The following MAP3K19 variants were observed in gnomAD, a reference collection of about 807,000 sequenced individuals.
The protein encoded by MAP3K19 is SPS1/STE20-related protein kinase YSK4.
A neutral mutation model predicts 114.4 loss-of-function variants in MAP3K19; 91 were observed. The ratio of observed to expected loss-of-function variants is 0.80; its 90% CI spans 0.67 to 0.95. The LOEUF is 0.95. MAP3K19 is among the 40% of genes least tolerant of loss of function. The pLI, the probability that MAP3K19 is intolerant of heterozygous loss-of-function variation, is 0.00. For missense variants in MAP3K19, 1,471 were observed against 1,573.2 expected (o/e 0.94, Z 1.10); for synonymous variants, 518 against 530.5 (o/e 0.98, Z 0.32).
At chr2:134,974,833 T>A (rs1204708427) in intron 12 of MAP3K19, among the ~76,000 whole-genome samples, 1 of 152,218 alleles carries the variant, frequency 6.6e-6, no homozygotes, top group Non-Finnish European at 1.5e-5. Context: ...TCTTTTAAAT[T>A]TTTGGATTGG....
intron 6 of MAP3K19, among the ~76,000 whole-genome samples, chr2:135,003,196 C>T (rs1379506954): frequency 6.6e-6 from 1 of 152,134 alleles, no homozygotes; most frequent in African/African-American, 2.4e-5. Context: ...TTGGACTTCC[C>T]ATTCTTAAGA....
At chr2:134,969,487 C>T (rs982170838) in intron 12 of MAP3K19, among the ~76,000 whole-genome samples, 1 of 151,950 alleles carries the variant, frequency 6.6e-6, no homozygotes, top group Non-Finnish European at 1.5e-5. Flanking sequence ...ATTTGCATTT[C>T]CTTGTTGATT....
intron 3 of MAP3K19, among the ~76,000 whole-genome samples, chr2:135,029,726 C>A (rs1688337866): frequency 6.6e-6 from 1 of 152,178 alleles, no homozygotes; most frequent in African/African-American, 2.4e-5. Flanking sequence ...CAAGAGTAGG[C>A]AATTGCCAGT....
At chr2:135,035,920 C>A (rs536206310) in intron 2 of MAP3K19, among the ~76,000 whole-genome samples, 1 of 152,126 alleles carries the variant, frequency 6.6e-6, no homozygotes, top group Admixed American at 6.5e-5. Context: ...CTGCAACCTC[C>A]GCCTCCAGGG....
intron 12 of MAP3K19, among the ~76,000 whole-genome samples, chr2:134,971,940 T>A: frequency 6.6e-6 from 1 of 152,034 alleles, no homozygotes; most frequent in South Asian, 2.1e-4. Flanking sequence ...TTCTATTGAT[T>A]TTTATATTTT....
intron 8 of MAP3K19, among the ~76,000 whole-genome samples, chr2:134,992,623 G>C (rs1047378027): frequency 6.6e-6 from 1 of 152,064 alleles, no homozygotes; most frequent in African/African-American, 2.4e-5. Context: ...ATCCAACCCA[G>C]ATAGATAGTC....
intron 1 of MAP3K19, among the ~76,000 whole-genome samples, chr2:135,043,551 C>G (rs1688685954): frequency 1.3e-5 from 2 of 152,322 alleles, no homozygotes; most frequent in African/African-American, 4.8e-5. Flanking sequence ...GCCTCGCCAT[C>G]AACAGCCTGC....
At chr2:134,967,382 C>T (rs927033225) in intron 12 of MAP3K19, among the ~76,000 whole-genome samples, 1 of 152,206 alleles carries the variant, frequency 6.6e-6, no homozygotes. Flanking sequence ...AGAGGAAATC[C>T]TCTTGCAGTT....
chr2:134,973,947 G>A (rs1475346834), intron 12 of MAP3K19, among the ~76,000 whole-genome samples: 1 of 152,090 alleles, frequency 6.6e-6, no homozygotes. Flanking sequence ...GCTGAGTATA[G>A]CATTCTTGGC....
At chr2:134,985,476 AAAT>A (rs1685026578) in intron 10 of MAP3K19, among the ~76,000 whole-genome samples, 1 of 152,238 alleles carries the variant, frequency 6.6e-6, no homozygotes, top group South Asian at 2.1e-4. Context: ...TGATAGTTGG[AAAT>A]GATATGCTGT....
chr2:135,024,846 C>T (rs915629895), intron 3 of MAP3K19, 105 bp from the exon 4 acceptor site: 4 of 533,348 alleles, frequency 7.5e-6, no homozygotes, highest in Non-Finnish European at 1.3e-5. Flanking sequence ...AAAAAGTAAT[C>T]TTATGTAGTT....
intron 8 of MAP3K19, among the ~76,000 whole-genome samples, chr2:134,995,900 T>C (rs572921254): frequency 1.3e-5 from 2 of 152,212 alleles, no homozygotes; most frequent in East Asian, 3.9e-4. Flanking sequence ...CTAAACATGA[T>C]ATTTAGCAAT....
At chr2:135,037,002 T>C (rs1464599782) in intron 2 of MAP3K19, among the ~76,000 whole-genome samples, 5 of 84,964 alleles carry the variant, frequency 5.9e-5, no homozygotes, top group African/African-American at 4.6e-4. Flanking sequence ...AAACATTCTT[T>C]TTTTTTTTTT....
intron 5 of MAP3K19, among the ~76,000 whole-genome samples, chr2:135,008,921 A>G (rs530935362): frequency 6.6e-6 from 1 of 151,880 alleles, no homozygotes; most frequent in East Asian, 1.9e-4. Context: ...TGGAACTATA[A>G]GTATGTACCA....
At position 134,991,540 on chromosome 2, in the gene MAP3K19, G is replaced by A. The variant is rs1170676556; in HGVS notation, c.615C>T (p.Ile205=). 1 of 1,612,294 alleles carries A rather than the reference G, an allele frequency of 6.2e-7. No individual in the cohort carries two copies. The highest frequency in any genetic ancestry group is 8.5e-7 in the Non-Finnish European group (1 of 1,178,640). Residue 205 remains isoleucine, a synonymous_variant, in exon 9 of 13, where the codon ATC becomes ATT. Coordinates refer to ENST00000392915, the MANE Select transcript of MAP3K19 (RefSeq NM_025052.5). ...TSHMKYSGRS[I]KFLLPPLSLL... ...AAAATGCTAGCACTAATCTTACCTT[G>A]ATGCTTCGGCCACTGTACTTCATAT...
At chr2:135,015,906 T>C (rs996356094) in intron 5 of MAP3K19, among the ~76,000 whole-genome samples, 54 of 150,922 alleles carry the variant, frequency 3.6e-4, no homozygotes, top group African/African-American at 1.3e-3. Flanking sequence ...AAAAAAAAAA[T>C]ATTTGTTGCC....
At chr2:135,037,593 C>T (rs1456552246) in intron 2 of MAP3K19, among the ~76,000 whole-genome samples, 1 of 152,112 alleles carries the variant, frequency 6.6e-6, no homozygotes, top group Admixed American at 6.6e-5. Flanking sequence ...CTCCATGGGT[C>T]TCTTACATTT....
chr2:134,975,267 G>A lies in MAP3K19; in HGVS notation c.3920+5554C>T, dbSNP rs369584219. On this transcript the variant is annotated intron_variant, in intron 12 of 12. Transcript: ENST00000392915. ...GACTCCTGGGCAGCATGCATGGCAT[G>A]GGCAATGGCAATAGTGGTACTGGGA... Among the ~76,000 whole-genome samples, 9 of 152,300 alleles carry A rather than the reference G, an allele frequency of 5.9e-5. No homozygotes were observed. In the East Asian group the frequency reaches 7.7e-4, roughly 13 times the overall value.
At chr2:135,009,257 G>A (rs955014200) in intron 5 of MAP3K19, among the ~76,000 whole-genome samples, 1 of 151,712 alleles carries the variant, frequency 6.6e-6, no homozygotes, top group African/African-American at 2.4e-5. Flanking sequence ...CTGCCACCAC[G>A]TCTGGCCGAC....
Sources: allele counts gnomAD v4.1 joint callset (sites outside exome capture counted in the v4.1 genomes callset), GRCh38; gene constraint gnomAD v4.1.1; transcripts MANE v1.5; gene names NCBI Gene and HGNC (gene_info 2026-07-23, HGNC 2026-07-21).